Variants in SMPX observed in about 807,000 individuals in gnomAD.
SMPX encodes small muscular protein.
A neutral mutation model predicts 6.3 loss-of-function variants in SMPX; 2 were observed. The ratio of observed to expected loss-of-function variants is 0.32; its 90% CI spans 0.13 to 0.99. The LOEUF (loss-of-function observed/expected upper bound fraction) is 0.99. SMPX is among the 50% of genes least tolerant of loss of function. SMPX has a pLI of 0.49. For missense variants in SMPX, 60 were observed against 66.8 expected, an observed-to-expected ratio of 0.90 and a Z score of 0.36; for synonymous variants, 32 against 24.7, an observed-to-expected ratio of 1.30 and a Z score of -0.88.
At chrX:21,729,337 T>C (rs1165929414) in intron 4 of SMPX, among the ~76,000 whole-genome samples, 1 of 112,655 alleles carries the variant, frequency 8.9e-6, no homozygotes, top group Non-Finnish European at 1.9e-5. Context: ...GGTTACTCAC[T>C]CTCAGCAGTA....
intron 4 of SMPX, 120 bp from the exon 5 acceptor site, chrX:21,706,514 A>G (rs1194006585): frequency 1.3e-5 from 3 of 226,886 alleles, no homozygotes; most frequent in South Asian, 1.2e-4. Flanking sequence ...ATATATGCAT[A>G]CATACATTGT....
chrX:21,717,950 T>C lies in SMPX; in HGVS notation c.*15-11556A>G, dbSNP rs1217219289. On this transcript the variant is annotated intron_variant, in intron 4 of 4. Coordinates refer to ENST00000379494, the MANE Select transcript of SMPX (RefSeq NM_014332.3). ...ATCAGCTGGCAGAGGTTCACTAGGA[T>C]TGGAGCGAGGAATGTCCTGCACAGG... Among the ~76,000 whole-genome samples the C allele has an allele frequency of 2.7e-5, 3 of 112,092 alleles. No individual in the cohort carries two copies. In the Admixed American group the frequency reaches 2.8e-4, roughly 11 times the overall value.
chrX:21,730,698 C>A (rs2092802221), intron 4 of SMPX, among the ~76,000 whole-genome samples: 2 of 112,045 alleles, frequency 1.8e-5, no homozygotes, highest in South Asian at 7.5e-4. Context: ...CAGAAGTAAA[C>A]CCAGAGGAAA....
At chrX:21,730,754 G>T (rs1406013117) in intron 4 of SMPX, among the ~76,000 whole-genome samples, 1 of 111,866 alleles carries the variant, frequency 8.9e-6, no homozygotes, top group African/African-American at 3.3e-5. Flanking sequence ...CTAAAATGGC[G>T]ATCTACTGGG....
chrX:21,716,635 C>T (rs1385316292), intron 4 of SMPX, among the ~76,000 whole-genome samples: 7 of 112,272 alleles, frequency 6.2e-5, no homozygotes, highest in African/African-American at 9.7e-5. Context: ...ATTAAAACAT[C>T]CCTTCCTCCT....
intron 4 of SMPX, among the ~76,000 whole-genome samples, chrX:21,714,362 T>A (rs1307612535): frequency 8.9e-6 from 1 of 112,404 alleles, no homozygotes; most frequent in African/African-American, 3.2e-5. Flanking sequence ...AAATTATTTA[T>A]CATTCATTAT....
At chrX:21,723,885 G>A (rs2147378217) in intron 4 of SMPX, among the ~76,000 whole-genome samples, 1 of 112,340 alleles carries the variant, frequency 8.9e-6, no homozygotes, top group South Asian at 3.7e-4. Context: ...CCATTCTAAT[G>A]CAGTTGCATT....
At chrX:21,731,531 C>T (rs1368433688) in intron 4 of SMPX, among the ~76,000 whole-genome samples, 1 of 77,572 alleles carries the variant, frequency 1.3e-5, no homozygotes, top group Non-Finnish European at 2.6e-5. Context: ...TGTACACATA[C>T]ACATTATGTG....
At chrX:21,721,529 G>A (rs770213488) in intron 4 of SMPX, among the ~76,000 whole-genome samples, 10 of 112,242 alleles carry the variant, frequency 8.9e-5, no homozygotes, top group Non-Finnish European at 3.8e-5. Flanking sequence ...ATCAAAGGAC[G>A]CTCTGAGAAA....
At chrX:21,742,163 T>C (rs2092816760) in intron 3 of SMPX, among the ~76,000 whole-genome samples, 1 of 111,988 alleles carries the variant, frequency 8.9e-6, no homozygotes, top group South Asian at 3.7e-4. Flanking sequence ...CTGATTGCCA[T>C]GGTAGTGACA....
intron 2 of SMPX, among the ~76,000 whole-genome samples, chrX:21,750,914 C>G (rs2092826826): frequency 8.9e-6 from 1 of 111,955 alleles, no homozygotes; most frequent in African/African-American, 3.2e-5. Flanking sequence ...TTTGTCTATT[C>G]ATTATAACAA....
At chrX:21,731,564 A>ATG (rs1338281829) in intron 4 of SMPX, among the ~76,000 whole-genome samples, 1,190 of 43,949 alleles carry the variant, frequency 0.027, 202 homozygotes, top group East Asian at 0.092. Context: ...TATACACATT[A>ATG]TGTGTATATG....
At chrX:21,740,139 G>C (rs1445942529) in intron 3 of SMPX, among the ~76,000 whole-genome samples, 1 of 111,682 alleles carries the variant, frequency 9.0e-6, no homozygotes, top group Non-Finnish European at 1.9e-5. Flanking sequence ...GGGGTTAATG[G>C]TGCATTTTCT....
chrX:21,715,432 A>C (rs1356754856), intron 4 of SMPX, among the ~76,000 whole-genome samples: 1 of 111,375 alleles, frequency 9.0e-6, no homozygotes, highest in Non-Finnish European at 1.9e-5. Context: ...GGCTGCCCCA[A>C]ACCAATTACA....
chrX:21,713,524 G>A (rs2092780968), intron 4 of SMPX, among the ~76,000 whole-genome samples: 1 of 112,018 alleles, frequency 8.9e-6, no homozygotes, highest in Non-Finnish European at 1.9e-5. Context: ...CAAAGGAGGA[G>A]CAAAGTCATG....
At chrX:21,722,648 C>T (rs1406739185) in intron 4 of SMPX, among the ~76,000 whole-genome samples, 4 of 111,637 alleles carry the variant, frequency 3.6e-5, no homozygotes, top group African/African-American at 6.5e-5. Flanking sequence ...TGTAGAATTC[C>T]TCATCCTTTA....
At chrX:21,720,747 A>G (rs907171924) in intron 4 of SMPX, among the ~76,000 whole-genome samples, 1 of 112,240 alleles carries the variant, frequency 8.9e-6, no homozygotes, top group Admixed American at 9.4e-5. Context: ...GCATCCTGAG[A>G]ACTTATGGAT....
intron 4 of SMPX, among the ~76,000 whole-genome samples, chrX:21,732,548 C>G (rs916347638): frequency 8.9e-6 from 1 of 112,075 alleles, no homozygotes; most frequent in Non-Finnish European, 1.9e-5. Flanking sequence ...GTCAGGGCAC[C>G]GGCAACATCC....
At chrX:21,749,236 A>G (rs2092824813) in intron 2 of SMPX, among the ~76,000 whole-genome samples, 1 of 112,568 alleles carries the variant, frequency 8.9e-6, no homozygotes, top group Non-Finnish European at 1.9e-5. Context: ...ATTTAGTTTT[A>G]CAAACGGCTT....
Sources: allele counts gnomAD v4.1 joint callset (sites outside exome capture counted in the v4.1 genomes callset), GRCh38; gene constraint gnomAD v4.1.1; transcripts MANE v1.5; gene names NCBI Gene and HGNC (gene_info 2026-07-23, HGNC 2026-07-21).